Variants in LYPLAL1 observed in about 807,000 individuals in gnomAD.
LYPLAL1 encodes the protein lysophospholipase-like protein 1.
A neutral mutation model predicts 19.7 loss-of-function variants in LYPLAL1; 23 were observed. That is an observed-to-expected ratio of 1.17 (90% CI 0.84 to 1.65). The LOEUF (loss-of-function observed/expected upper bound fraction) is 1.65. LYPLAL1 is among the 40% of genes most tolerant of loss of function. The pLI is 0.00. For missense variants in LYPLAL1, 355 were observed against 279.4 expected, an observed-to-expected ratio of 1.27 and a Z score of -1.93; for synonymous variants, 119 against 96.3, an observed-to-expected ratio of 1.24 and a Z score of -1.38.
At chr1:219,421,077 C>T in the LYPLAL1 span, among the ~76,000 whole-genome samples, 24 of 152,124 alleles carry the variant, frequency 1.6e-4, no homozygotes, top group African/African-American at 4.3e-4. Context: ...AAACAATTTG[C>T]TTGAGATTTG....
chr1:219,304,920 G>A, the LYPLAL1 span, among the ~76,000 whole-genome samples: 5 of 152,200 alleles, frequency 3.3e-5, no homozygotes, highest in Admixed American at 3.3e-4. Flanking sequence ...ACACAGTACT[G>A]CAGGTTTCAA....
the LYPLAL1 span, among the ~76,000 whole-genome samples, chr1:219,245,180 CCTTCCTTCCTTCCTTCCTT>C: frequency 4.4e-4 from 2 of 4,596 alleles, no homozygotes; most frequent in African/African-American, 1.7e-3. Flanking sequence ...TCCATCCCTT[CCTTCCTTCCTTCCTTCCTT>C]CCTTCCTTCC....
At chr1:219,181,972 A>C (rs1471209477) in intron 2 of LYPLAL1, among the ~76,000 whole-genome samples, 2 of 152,146 alleles carry the variant, frequency 1.3e-5, no homozygotes. Context: ...GTGTAATAGG[A>C]ATGAGTAATT....
the LYPLAL1 span, among the ~76,000 whole-genome samples, chr1:219,377,705 ATTAT>A: frequency 9.9e-5 from 15 of 152,234 alleles, no homozygotes; most frequent in African/African-American, 2.2e-4. Context: ...TATAAATTAC[ATTAT>A]TTAAGTAATA....
At chr1:219,433,490 T>C in the LYPLAL1 span, among the ~76,000 whole-genome samples, 1 of 152,236 alleles carries the variant, frequency 6.6e-6, no homozygotes, top group African/African-American at 2.4e-5. Context: ...AAATCCTTCT[T>C]CCAGAAAATC....
the LYPLAL1 span, among the ~76,000 whole-genome samples, chr1:219,340,086 AT>A: frequency 1.3e-5 from 2 of 152,084 alleles, no homozygotes; most frequent in Non-Finnish European, 2.9e-5. Context: ...GATGAAAAAA[AT>A]GTATGGTATA....
the LYPLAL1 span, among the ~76,000 whole-genome samples, chr1:219,368,425 A>G: frequency 6.6e-6 from 1 of 152,184 alleles, no homozygotes; most frequent in Non-Finnish European, 1.5e-5. Flanking sequence ...CTTGGCCAGA[A>G]TAACATCCAT....
chr1:219,418,354 C>A, the LYPLAL1 span, among the ~76,000 whole-genome samples: 2 of 152,130 alleles, frequency 1.3e-5, no homozygotes, highest in Non-Finnish European at 2.9e-5. Flanking sequence ...CCACCCTACC[C>A]GTGTGGATAT....
At chr1:219,301,073 A>C in the LYPLAL1 span, among the ~76,000 whole-genome samples, 5 of 151,852 alleles carry the variant, frequency 3.3e-5, no homozygotes, top group African/African-American at 1.2e-4. Context: ...AAAAAAGAAT[A>C]TTCATATTTT....
the LYPLAL1 span, among the ~76,000 whole-genome samples, chr1:219,418,171 T>G: frequency 6.6e-6 from 1 of 152,194 alleles, no homozygotes; most frequent in Non-Finnish European, 1.5e-5. Flanking sequence ...AGTTAAAACC[T>G]CGAAAAAAGT....
At chr1:219,330,696 G>A in the LYPLAL1 span, among the ~76,000 whole-genome samples, 3 of 152,146 alleles carry the variant, frequency 2.0e-5, no homozygotes, top group Non-Finnish European at 4.4e-5. Flanking sequence ...AAATCAAAAT[G>A]TTTTCACTTA....
At chr1:219,387,341 T>G in the LYPLAL1 span, among the ~76,000 whole-genome samples, 2 of 152,150 alleles carry the variant, frequency 1.3e-5, no homozygotes, top group East Asian at 3.8e-4. Context: ...GAGCCATAAT[T>G]AAAAGGAAAG....
chr1:219,278,632 T>G, the LYPLAL1 span, among the ~76,000 whole-genome samples: 1 of 152,164 alleles, frequency 6.6e-6, no homozygotes, highest in East Asian at 1.9e-4. Flanking sequence ...AATTCTTTCT[T>G]ATCTTTCTCA....
chr1:219,298,337 A>T, the LYPLAL1 span, among the ~76,000 whole-genome samples: 4 of 152,182 alleles, frequency 2.6e-5, no homozygotes, highest in African/African-American at 9.7e-5. Flanking sequence ...AAATACATTT[A>T]GGTCTTTCAT....
chr1:219,377,610 T>C, the LYPLAL1 span, among the ~76,000 whole-genome samples: 1 of 152,198 alleles, frequency 6.6e-6, no homozygotes, highest in Non-Finnish European at 1.5e-5. Context: ...AAATAAAAGC[T>C]GGAGATTGCC....
intron 1 of LYPLAL1, among the ~76,000 whole-genome samples, chr1:219,174,577 CA>C (rs1255821510): frequency 6.6e-6 from 1 of 152,146 alleles, no homozygotes; most frequent in Non-Finnish European, 1.5e-5. Flanking sequence ...AGATAGACTA[CA>C]GGGGCAGGAC....
the LYPLAL1 span, among the ~76,000 whole-genome samples, chr1:219,276,581 C>T: frequency 6.6e-6 from 1 of 152,144 alleles, no homozygotes; most frequent in Non-Finnish European, 1.5e-5. Flanking sequence ...TGTGGCATAG[C>T]TTTTTGCCCC....
the LYPLAL1 span, among the ~76,000 whole-genome samples, chr1:219,427,219 C>A: frequency 8.2e-4 from 124 of 152,096 alleles, no homozygotes; most frequent in Non-Finnish European, 1.6e-4. Context: ...ATTTTGCATC[C>A]ATTTATTAAA....
chr1:219,387,536 AT>A, the LYPLAL1 span, among the ~76,000 whole-genome samples: 1 of 152,244 alleles, frequency 6.6e-6, no homozygotes, highest in Non-Finnish European at 1.5e-5. Context: ...ATGAAATCTA[AT>A]TCTTGCTCTG....
Sources: gnomAD v4.1 joint callset for allele counts (sites outside exome capture counted in the v4.1 genomes callset) on GRCh38, gnomAD v4.1.1 for gene constraint, MANE v1.5 for transcripts, NCBI Gene and HGNC (gene_info 2026-07-23, HGNC 2026-07-21) for gene names.